The following SH3BP4 variants were observed in gnomAD, a reference collection of about 807,000 sequenced individuals.
The protein encoded by SH3BP4 is SH3 domain-binding protein 4.
SH3BP4 carries 33 observed loss-of-function variants against 65.5 expected under a neutral mutation model. That is an observed-to-expected ratio of 0.50 (90% CI 0.38 to 0.67). SH3BP4 has a LOEUF of 0.67. SH3BP4 is among the 30% of genes least tolerant of loss of function. The probability of loss-of-function intolerance (pLI) is 0.00; values close to 1 mark genes in which losing one functional copy is unlikely to be tolerated. For synonymous variants in SH3BP4, 552 were observed against 545.5 expected (o/e 1.01, Z -0.17); for missense variants, 1,134 against 1,261.4 (o/e 0.90, Z 1.53).
At chr2:234,954,108 A>C (rs1056376336) in intron 1 of SH3BP4, among the ~76,000 whole-genome samples, 2 of 152,042 alleles carry the variant, frequency 1.3e-5, no homozygotes, top group Non-Finnish European at 2.9e-5. Flanking sequence ...TCACTTGTTT[A>C]CTAAATGAAC....
chr2:235,022,521 C>CA (rs986982737), intron 2 of SH3BP4, among the ~76,000 whole-genome samples: 24 of 141,116 alleles, frequency 1.7e-4, no homozygotes, highest in Non-Finnish European at 2.2e-4. Flanking sequence ...ACTCTGTCTC[C>CA]AAAAAAAAAA....
chr2:235,012,015 A>G (rs925014353), intron 2 of SH3BP4, among the ~76,000 whole-genome samples: 3 of 152,320 alleles, frequency 2.0e-5, no homozygotes, highest in East Asian at 1.9e-4. Flanking sequence ...CTGTTACAAT[A>G]AAGTGATTAG....
rs1248934629 is a variant in SH3BP4 at position 235,038,366 on chromosome 2, A to AT, written c.119-2522_119-2521insT. On this transcript the variant is annotated intron_variant, in intron 3 of 5. Coordinates refer to ENST00000392011, the MANE Select transcript of SH3BP4 (RefSeq NM_014521.3). ...ATATATATTTTATATATATATATAT[A>AT]ATATATATACATATATATATATATA... Among the ~76,000 whole-genome samples the AT allele has an allele frequency of 5.0e-4, 20 of 39,682 alleles. 1 individual carries two copies. Among genetic ancestry groups the AT allele is most frequent in the Admixed American group, 2.8e-3 (7 of 2,542 alleles). 26.0% of individuals were successfully genotyped at this position (39,682 alleles called of 152,430 possible). A position where few individuals can be genotyped will look rare whatever the true frequency, so the allele number is the denominator to read the frequency against.
intron 2 of SH3BP4, among the ~76,000 whole-genome samples, chr2:235,005,023 G>A (rs1057134751): frequency 3.3e-5 from 5 of 152,190 alleles, no homozygotes; most frequent in African/African-American, 7.2e-5. Flanking sequence ...AGCAAGGGTC[G>A]CTGTCACATA....
rs758687193 is a variant in SH3BP4 at position 235,042,274 on chromosome 2, A to T, written c.1505A>T (p.Lys502Met). 6.2e-7 allele frequency: 1 copy of T among 1,614,066 alleles called. No individual in the cohort carries two copies. The highest frequency in any genetic ancestry group is 2.2e-5 in the East Asian group (1 of 44,886). ...VTIFGHDCAP[K>M]TLLVSEVTRQ... ...ATTTTTGGGCATGACTGTGCCCCAAAGACGCTCCTGGTCAGCGAGGTCACA... is the reference window on the plus strand; with the variant it reads ...ATTTTTGGGCATGACTGTGCCCCAATGACGCTCCTGGTCAGCGAGGTCACA... Residue 502 changes from lysine to methionine, a missense_variant, in exon 4 of 6, where the codon AAG (lysine) becomes ATG (methionine). By Grantham distance (95) the Lys-to-Met change is moderately conservative (BLOSUM62 -1). Coordinates refer to ENST00000392011, the MANE Select transcript of SH3BP4 (RefSeq NM_014521.3). This position sits in a 1 kb window ranked among gnomAD's most constrained non-coding sequence, Gnocchi z 7.3.
rs1239838499 is a variant in SH3BP4 at position 235,042,768 on chromosome 2, C to T, written c.1999C>T (p.Arg667Trp). 8 of 1,614,156 alleles carry T rather than the reference C, an allele frequency of 5.0e-6. No individual in the cohort carries two copies. The highest frequency in any genetic ancestry group is 1.7e-5 in the Admixed American group (1 of 60,026). Residue 667 changes from arginine to tryptophan, a missense_variant, in exon 4 of 6, where the codon CGG (arginine) becomes TGG (tryptophan). Arg to Trp is a moderately radical substitution (Grantham distance 101). Transcript: ENST00000392011. The surrounding 1 kb of genome is among the most constrained non-coding windows in gnomAD (Gnocchi z 7.3). ...KFGKLLKTVV[R>W]QNKNHYLLEY... ...TGGTAAGTTGCTCAAGACTGTGGTGCGGCAGAACAAGAACCACTACCTGCT... is the reference window on the plus strand; with the variant it reads ...TGGTAAGTTGCTCAAGACTGTGGTGTGGCAGAACAAGAACCACTACCTGCT...
chr2:234,963,394 G>A (rs2106241918), intron 1 of SH3BP4, among the ~76,000 whole-genome samples: 1 of 152,276 alleles, frequency 6.6e-6, no homozygotes, highest in Non-Finnish European at 1.5e-5. Context: ...CCTCAAAAGG[G>A]AGTGACGTTG....
intron 2 of SH3BP4, among the ~76,000 whole-genome samples, chr2:235,002,796 C>A (rs1005220588): frequency 6.6e-6 from 1 of 152,222 alleles, no homozygotes; most frequent in African/African-American, 2.4e-5. Flanking sequence ...ATCTTCTGAT[C>A]CCAGTGCCGT....
intron 1 of SH3BP4, among the ~76,000 whole-genome samples, chr2:234,980,652 C>A (rs1287193864): frequency 6.6e-6 from 1 of 152,196 alleles, no homozygotes; most frequent in East Asian, 1.9e-4. Flanking sequence ...GGCTGCCAGT[C>A]CAGCTCCACT....
intron 1 of SH3BP4, among the ~76,000 whole-genome samples, chr2:234,980,409 G>A (rs1693340283): frequency 6.6e-6 from 1 of 152,200 alleles, no homozygotes; most frequent in African/African-American, 2.4e-5. Context: ...TTATTGTACT[G>A]TAGCACCTGT....
At chr2:234,970,141 T>TCACACTCACTCACACTCCCC (rs1468459190) in intron 1 of SH3BP4, among the ~76,000 whole-genome samples, 2 of 152,044 alleles carry the variant, frequency 1.3e-5, no homozygotes, top group Non-Finnish European at 2.9e-5. Context: ...ACACACACTC[T>TCACACTCACTCACACTCCCC]CACACTCACT....
Position 234,985,499 on chromosome 2 carries a change from A to G in SH3BP4, c.-206-9804A>G, listed in dbSNP as rs564532992. On this transcript the variant is annotated intron_variant, in intron 1 of 5. Coordinates refer to ENST00000392011, the MANE Select transcript of SH3BP4 (RefSeq NM_014521.3). ...GCACAGCTGTTTTTGACACTTGTGC[A>G]TAAGCATTTTAGACCCAATGCACAC... 2.9e-4 allele frequency among the ~76,000 whole-genome samples: 44 copies of G among 152,258 alleles called. 1 individual carries two copies. The highest frequency in any genetic ancestry group is 1.0e-3 in the African/African-American group (43 of 41,572).
intron 1 of SH3BP4, among the ~76,000 whole-genome samples, chr2:234,962,879 G>A (rs1434353896): frequency 6.6e-6 from 1 of 151,824 alleles, no homozygotes. Context: ...GCACTTGCCT[G>A]TAATTTTAAT....
intron 1 of SH3BP4, among the ~76,000 whole-genome samples, chr2:234,956,443 G>T (rs879941244): frequency 1.1e-4 from 17 of 152,162 alleles, no homozygotes; most frequent in African/African-American, 3.6e-4. Context: ...AGCTCTCTTT[G>T]CTGAAGCCTG....
intron 2 of SH3BP4, 185 bp downstream of exon 2, chr2:234,995,561 C>T (rs1001078318): frequency 2.6e-5 from 4 of 152,326 alleles, no homozygotes; most frequent in African/African-American, 9.6e-5. Flanking sequence ...AGGCCTGTCC[C>T]TCATGGCGCT....
chr2:235,043,889 C>T (rs1695757765), intron 4 of SH3BP4, among the ~76,000 whole-genome samples: 1 of 152,280 alleles, frequency 6.6e-6, no homozygotes, highest in Non-Finnish European at 1.5e-5. Flanking sequence ...GGGCCCCAGA[C>T]AACCCAAGGA....
chr2:234,985,163 C>T (rs537323808), intron 1 of SH3BP4, among the ~76,000 whole-genome samples: 85 of 152,260 alleles, frequency 5.6e-4, no homozygotes, highest in African/African-American at 2.0e-3. Context: ...ATCTTGACAG[C>T]GCAGCAACAG....
intron 2 of SH3BP4, among the ~76,000 whole-genome samples, chr2:235,023,803 G>A (rs191061727): frequency 8.5e-5 from 13 of 152,210 alleles, no homozygotes; most frequent in Admixed American, 7.2e-4. Context: ...ATGTTGTATG[G>A]ATTTTCCATT....
rs1415928371 is a variant in SH3BP4, at chr2:235,043,015, A to G, written c.2246A>G (p.Lys749Arg). The G allele has an allele frequency of 1.2e-6, 2 of 1,609,036 alleles. No individual in the cohort carries two copies. Among genetic ancestry groups the G allele is most frequent in the Non-Finnish European group, 1.7e-6 (2 of 1,176,162 alleles). Residue 749 changes from lysine to arginine, a missense_variant, in exon 4 of 6, where the codon AAA becomes AGA. Coordinates refer to ENST00000392011, the MANE Select transcript of SH3BP4 (RefSeq NM_014521.3). ...VLLEQILRPCKFLTYIYASVR... is the reference protein window; with the variant it reads ...VLLEQILRPCRFLTYIYASVR... Reference sequence around the variant, plus strand: ...CTGGAGCAGATCCTGCGGCCCTGCAAATTCCTCACGTACATCTATGCCTCC... The same window carrying G: ...CTGGAGCAGATCCTGCGGCCCTGCAGATTCCTCACGTACATCTATGCCTCC...
Sources: gnomAD v4.1 joint callset for allele counts (sites outside exome capture counted in the v4.1 genomes callset) on GRCh38, gnomAD v4.1.1 for gene constraint, Gnocchi (gnomAD v3.1) non-coding constraint, MANE v1.5 for transcripts, NCBI Gene and HGNC (gene_info 2026-07-23, HGNC 2026-07-21) for gene names.